Variants in SLC48A1 observed in about 807,000 individuals in gnomAD.
SLC48A1 encodes the protein solute carrier family 48 member 1.
In SLC48A1, 6 loss-of-function variants were observed where a neutral mutation model predicts 14.8. That is an observed-to-expected ratio of 0.41 (90% CI 0.22 to 0.80). SLC48A1 has a LOEUF of 0.80. Ranked by LOEUF, SLC48A1 falls within the 30% of genes least tolerant of loss-of-function variation. The pLI, the probability that SLC48A1 is intolerant of heterozygous loss-of-function variation, is 0.34. For missense variants in SLC48A1, 165 were observed against 204.8 expected, an observed-to-expected ratio of 0.81 and a Z score of 1.19; for synonymous variants, 89 against 90.0, an observed-to-expected ratio of 0.99 and a Z score of 0.06.
intron 2 of SLC48A1, 117 bp from the exon 3 acceptor site, chr12:47,780,028 C>A: frequency 1.5e-6 from 2 of 1,295,896 alleles, no homozygotes; most frequent in South Asian, 1.6e-5. Flanking sequence ...AGGGTTGGTT[C>A]AGCTGCCAGG....
chr12:47,770,326 C>T (rs1262220674), upstream of SLC48A1, among the ~76,000 whole-genome samples: 2 of 152,242 alleles, frequency 1.3e-5, no homozygotes, highest in African/African-American at 4.8e-5. Context: ...TGCTCTCCTC[C>T]TTCTGTCTGC....
At position 47,780,391 on chromosome 12, in the gene SLC48A1, G is replaced by A; in HGVS notation, c.*110G>A. On this transcript the variant is annotated 3_prime_UTR_variant, in exon 3 of 3. Transcript: ENST00000442218. ...CCCTGGTGACCCCAGAACTGTGGCA[G>A]AAAATACACAGCAGGACGAGTGTGG... The A allele has an allele frequency of 6.6e-7, 1 of 1,515,342 alleles. No individual in the cohort carries two copies. The highest frequency in any genetic ancestry group is 9.2e-7 in the Non-Finnish European group (1 of 1,090,534). The allele number at this position is 1,515,342 out of a possible 1,614,324, so 93.9% of individuals were successfully genotyped here. A position where few individuals can be genotyped will look rare whatever the true frequency, so the allele number is the denominator to read the frequency against.
intron 1 of SLC48A1, 23 bp from the exon 2 acceptor site, chr12:47,779,005 G>A (rs1942807364): frequency 1.9e-6 from 3 of 1,549,768 alleles, no homozygotes; most frequent in East Asian, 4.9e-5. Context: ...CTGGGGATGG[G>A]CCCTGATGTG....
chr12:47,762,582 T>C (rs1469115328), intron 2 of SLC48A1, among the ~76,000 whole-genome samples: 1 of 152,248 alleles, frequency 6.6e-6, no homozygotes, highest in Non-Finnish European at 1.5e-5. Context: ...TCTTCCAGTA[T>C]TTACTATTTG....
upstream of SLC48A1, among the ~76,000 whole-genome samples, chr12:47,756,688 C>T (rs940471826): frequency 3.9e-5 from 6 of 152,086 alleles, no homozygotes; most frequent in African/African-American, 9.7e-5. Context: ...AGTGAACTCT[C>T]GGCTAGGCGC....
At chr12:47,771,452 C>T (rs567253593), upstream of SLC48A1, 30 of 156,224 alleles carry the variant, frequency 1.9e-4, no homozygotes, top group South Asian at 9.4e-4. Context: ...AAGATGTCCA[C>T]GTCCTCATCC....
chr12:47,782,463 G>A lies in SLC48A1; in HGVS notation c.*2182G>A, dbSNP rs1201214593. On this transcript the variant is annotated 3_prime_UTR_variant, in exon 3 of 3. Coordinates refer to ENST00000442218, the MANE Select transcript of SLC48A1 (RefSeq NM_017842.3). Reference sequence around the variant, plus strand: ...CCACCCCCACTCCTGCCATATCAGGGCTGGTCTCTGTGGACTCAGCCCAGG... The same window carrying A: ...CCACCCCCACTCCTGCCATATCAGGACTGGTCTCTGTGGACTCAGCCCAGG... The A allele has an allele frequency of 6.6e-6, 1 of 152,244 alleles. No homozygotes were observed. Among genetic ancestry groups the A allele is most frequent in the Non-Finnish European group, 1.5e-5 (1 of 68,098 alleles). The allele number at this position is 152,244 out of a possible 1,614,324, so 9.4% of individuals were successfully genotyped here.
In SLC48A1 at chr12:47,777,735, C is replaced by T. The variant is rs1377106602; in HGVS notation, c.137-1293C>T. Among the ~76,000 whole-genome samples, 1 of 152,182 alleles carries T rather than the reference C, an allele frequency of 6.6e-6. No homozygotes were observed. Among genetic ancestry groups the T allele is most frequent in the Non-Finnish European group, 1.5e-5 (1 of 68,026 alleles). On this transcript the variant is annotated intron_variant, in intron 1 of 2. Coordinates refer to ENST00000442218, the MANE Select transcript of SLC48A1 (RefSeq NM_017842.3). This position sits in a 1 kb window ranked among gnomAD's most constrained non-coding sequence, Gnocchi z 4.5. ...GATGATTTAACAAACACCCTTATAA[C>T]CCAGCCTGAGAAAACAGCGTAGATA...
chr12:47,764,164 G>A (rs911790774), intron 2 of SLC48A1, among the ~76,000 whole-genome samples: 1 of 152,184 alleles, frequency 6.6e-6, no homozygotes, highest in Non-Finnish European at 1.5e-5. Flanking sequence ...GTGTATGTGT[G>A]TGTGTGTGTG....
chr12:47,760,146 G>A (rs547058576), intron 1 of SLC48A1: 57 of 942,662 alleles, frequency 6.0e-5, no homozygotes, highest in Admixed American at 3.7e-4. Flanking sequence ...TGCAGGCTCC[G>A]TCCCCAGCAA....
rs116525609 is a variant in SLC48A1, at chr12:47,781,102, T to C, written c.*821T>C. On this transcript the variant is annotated 3_prime_UTR_variant, in exon 3 of 3. Coordinates refer to ENST00000442218, the MANE Select transcript of SLC48A1 (RefSeq NM_017842.3). ...CCCATCCCAGCACCCCATCCTGTTG[T>C]TCCCAGAGCTGGTCTCCCATGAGTG... The C allele has an allele frequency of 2.9e-6, 1 of 343,056 alleles. No individual in the cohort carries two copies. The highest frequency in any genetic ancestry group is 2.2e-5 in the African/African-American group (1 of 46,090). The allele number at this position is 343,056 out of a possible 1,614,324, so 21.3% of individuals were successfully genotyped here. A position where few individuals can be genotyped will look rare whatever the true frequency, so the allele number is the denominator to read the frequency against.
rs1942811022 is a variant in SLC48A1 at position 47,779,138 on chromosome 12, G to A, written c.247G>A (p.Ala83Thr). ...GFFFVGVLFS[A>T]VSIAAFCTFL... is the part of the protein sequence containing the mutation. ...CTTCTTCGTGGGCGTCCTCTTCTCG[G>A]CCGTCTCCATCGCTGCCTTCTGCAC... is the stretch of plus-strand genomic sequence containing the variant. Residue 83 changes from alanine to threonine, a missense_variant, in exon 2 of 3, where the codon GCC (alanine) becomes ACC (threonine). Coordinates refer to ENST00000442218, the MANE Select transcript of SLC48A1 (RefSeq NM_017842.3). The A allele has an allele frequency of 1.9e-6, 3 of 1,551,776 alleles. No individual in the cohort carries two copies. The highest frequency in any genetic ancestry group is 2.6e-6 in the Non-Finnish European group (3 of 1,147,042).
upstream of SLC48A1, chr12:47,771,181 A>T: frequency 3.7e-6 from 1 of 272,638 alleles, no homozygotes; most frequent in Non-Finnish European, 7.4e-6. Context: ...AGAGTGAGGC[A>T]AATGTGCTTA....
intron 2 of SLC48A1, among the ~76,000 whole-genome samples, chr12:47,765,076 CAAAAAAAAAAAAAAAAAAAAAAA>C (rs750174911): frequency 7.1e-4 from 27 of 38,196 alleles, no homozygotes; most frequent in Non-Finnish European, 9.7e-4. Flanking sequence ...GACTCTGTCT[CAAAAAAAAAAAAAAAAAAAAAAA>C]AAAAAAAAAA....
At chr12:47,779,336 G>C in intron 2 of SLC48A1, 141 bp downstream of exon 2, 1 of 1,253,732 alleles carries the variant, frequency 8.0e-7, no homozygotes. Flanking sequence ...TTTTGTTATG[G>C]TTCATGTGGA....
intron 2 of SLC48A1, among the ~76,000 whole-genome samples, chr12:47,763,676 A>G (rs982948431): frequency 6.6e-6 from 1 of 152,148 alleles, no homozygotes; most frequent in African/African-American, 2.4e-5. Flanking sequence ...TGGAGCCTTA[A>G]TGGGCCCCAA....
intron 2 of SLC48A1, among the ~76,000 whole-genome samples, chr12:47,764,587 G>A (rs185030630): frequency 1.7e-3 from 263 of 152,330 alleles, no homozygotes; most frequent in African/African-American, 5.7e-3. Context: ...TGGATCCAGA[G>A]CACTGGCTGG....
intron 1 of SLC48A1, among the ~76,000 whole-genome samples, chr12:47,775,147 A>G: frequency 6.6e-6 from 1 of 152,138 alleles, no homozygotes; most frequent in East Asian, 1.9e-4. Context: ...CCCAAAAGAC[A>G]TCTGACTTCC....
chr12:47,776,796 C>T (rs930110350), intron 1 of SLC48A1, among the ~76,000 whole-genome samples: 1 of 152,166 alleles, frequency 6.6e-6, no homozygotes, highest in African/African-American at 2.4e-5. Flanking sequence ...ACCACTGGAT[C>T]GTGGCCAGTG....
Sources: allele counts gnomAD v4.1 joint callset (sites outside exome capture counted in the v4.1 genomes callset), GRCh38; gene constraint gnomAD v4.1.1; non-coding constraint Gnocchi (gnomAD v3.1); transcripts MANE v1.5; gene names NCBI Gene and HGNC (gene_info 2026-07-23, HGNC 2026-07-21).